The following FGF13 variants were observed in gnomAD, a reference collection of about 807,000 sequenced individuals.
The protein encoded by FGF13 is fibroblast growth factor 13.
A neutral mutation model predicts 19.5 loss-of-function variants in FGF13; 2 were observed. The observed-to-expected ratio is 0.10, with a 90% CI of 0.04 to 0.32. The LOEUF is 0.32. FGF13 is among the 10% of genes least tolerant of loss of function. The pLI, the probability that FGF13 is intolerant of heterozygous loss-of-function variation, is 1.00. For missense variants in FGF13, 113 were observed against 192.7 expected, an observed-to-expected ratio of 0.59 and a Z score of 2.45; for synonymous variants, 72 against 76.9, an observed-to-expected ratio of 0.94 and a Z score of 0.33.
At chrX:138,810,457 A>G (rs1338010298) in intron 3 of FGF13, among the ~76,000 whole-genome samples, 1 of 111,890 alleles carries the variant, frequency 8.9e-6, no homozygotes, top group Non-Finnish European at 1.9e-5. Flanking sequence ...GATGGATTAA[A>G]GACTTAAATG....
intron 1 of FGF13, among the ~76,000 whole-genome samples, chrX:139,138,693 C>G (rs1863619104): frequency 9.0e-6 from 1 of 111,364 alleles, no homozygotes; most frequent in South Asian, 3.8e-4. Context: ...TTTTCAATGG[C>G]AAGCTTCCCT....
rs187616793 is a variant in FGF13 at position 139,035,139 on chromosome X, T to C, written c.-113+168277A>G. ...GATCTAATAAATATATAATGAAAAA[T>C]TGATTTAAAAAATAGGTAAAGAAAT... On this transcript the variant is annotated intron_variant, in intron 1 of 2. Coordinates refer to the FGF13 transcript ENST00000421460. Among the ~76,000 whole-genome samples, 243 of 111,191 alleles carry C rather than the reference T, an allele frequency of 2.2e-3. 1 individual carries two copies. The highest frequency in any genetic ancestry group is 3.2e-3 in the Non-Finnish European group (172 of 52,942).
chrX:138,781,474 A>G (rs1275193497), intron 3 of FGF13, among the ~76,000 whole-genome samples: 2 of 109,423 alleles, frequency 1.8e-5, no homozygotes, highest in African/African-American at 6.7e-5. Context: ...ATAAAAAATG[A>G]TAAAGGGGAT....
intron 3 of FGF13, among the ~76,000 whole-genome samples, chrX:138,700,983 C>T (rs5929945): frequency 0.096 from 10,718 of 111,785 alleles, 404 homozygotes; most frequent in Middle Eastern, 0.17. Flanking sequence ...GCATTTTCAA[C>T]GCTGGTTCCT....
intron 3 of FGF13, among the ~76,000 whole-genome samples, chrX:138,828,306 C>A (rs1212688235): frequency 9.1e-6 from 1 of 110,220 alleles, no homozygotes; most frequent in East Asian, 2.9e-4. Flanking sequence ...GCGGTGGTCA[C>A]GCCTGTAATC....
At chrX:139,152,177 A>G (rs1466898603) in intron 1 of FGF13, among the ~76,000 whole-genome samples, 1 of 110,675 alleles carries the variant, frequency 9.0e-6, no homozygotes, top group African/African-American at 3.3e-5. Flanking sequence ...GATCAGATCG[A>G]CAAGAGAAGA....
intron 3 of FGF13, among the ~76,000 whole-genome samples, chrX:138,779,507 C>T (rs1470145689): frequency 4.6e-5 from 5 of 108,718 alleles, no homozygotes; most frequent in Admixed American, 9.8e-5. Flanking sequence ...TCGAGAACTA[C>T]GTGAAGAATG....
rs1260193918 is a variant in FGF13, at chrX:138,877,126, G to T, written c.-112-12476C>A. ...CCAGGGCCTGTCAGGGGGTGGTGGGGGGTGAGGGACGGGAACTTAGAGGAC... is the reference window on the plus strand; with the variant it reads ...CCAGGGCCTGTCAGGGGGTGGTGGGTGGTGAGGGACGGGAACTTAGAGGAC... On this transcript the variant is annotated intron_variant, in intron 1 of 2. Coordinates refer to the FGF13 transcript ENST00000421460. Among the ~76,000 whole-genome samples, 6 of 110,930 alleles carry T rather than the reference G, an allele frequency of 5.4e-5. No homozygotes were observed. The Admixed American group carries it at 5.8e-4, about 11-fold the overall frequency.
chrX:139,048,449 A>T (rs936040877), intron 1 of FGF13, among the ~76,000 whole-genome samples: 6 of 110,896 alleles, frequency 5.4e-5, no homozygotes, highest in Admixed American at 9.6e-5. Flanking sequence ...GTGTTCTTCC[A>T]TAGAAACTTT....
At position 138,711,186 on chromosome X, in the gene FGF13, G is replaced by A; in HGVS notation, c.-183C>T. On this transcript the variant is annotated 5_prime_UTR_variant, in exon 1 of 5. Coordinates refer to ENST00000315930, the MANE Select transcript of FGF13 (RefSeq NM_004114.5). Reference sequence around the variant, plus strand: ...AAGGAGGGGGCTCAGCATGCCGTCCGAGCTCCTCCGGCGGCGGTCCGGCTC... The same window carrying A: ...AAGGAGGGGGCTCAGCATGCCGTCCAAGCTCCTCCGGCGGCGGTCCGGCTC... 1 of 1,061,155 alleles carries A rather than the reference G, an allele frequency of 9.4e-7. No individual in the cohort carries two copies. Among genetic ancestry groups the A allele is most frequent in the Non-Finnish European group, 1.2e-6 (1 of 827,529 alleles). 87.5% of individuals were successfully genotyped at this position (1,061,155 alleles called of 1,213,427 possible). A position where few individuals can be genotyped will look rare whatever the true frequency, so the allele number is the denominator to read the frequency against.
intron 3 of FGF13, among the ~76,000 whole-genome samples, chrX:138,640,207 C>G (rs1212800499): frequency 9.0e-6 from 1 of 110,863 alleles, no homozygotes; most frequent in Admixed American, 9.6e-5. Flanking sequence ...CCCTAAACAC[C>G]ACATCTGTAT....
At chrX:138,948,057 G>A (rs992871624) in intron 1 of FGF13, among the ~76,000 whole-genome samples, 1 of 111,370 alleles carries the variant, frequency 9.0e-6, no homozygotes, top group Non-Finnish European at 1.9e-5. Context: ...GAACTGTGAG[G>A]TAATATATTT....
At chrX:138,857,498 T>A (rs765181779), downstream of FGF13, 158 of 1,166,116 alleles carry the variant, frequency 1.4e-4, no homozygotes, top group South Asian at 7.0e-4. Flanking sequence ...AACACGCGTC[T>A]GTCGTGCACA....
At chrX:138,990,161 T>C (rs755067977) in intron 1 of FGF13, among the ~76,000 whole-genome samples, 26 of 110,929 alleles carry the variant, frequency 2.3e-4, no homozygotes, top group African/African-American at 8.5e-4. Flanking sequence ...GTATATGTAC[T>C]GTGGGATTAT....
chrX:138,974,355 T>C (rs2091931457), intron 1 of FGF13, among the ~76,000 whole-genome samples: 1 of 111,214 alleles, frequency 9.0e-6, no homozygotes, highest in South Asian at 3.8e-4. Context: ...ACATGAGGAG[T>C]TGATTAAAAG....
intron 1 of FGF13, among the ~76,000 whole-genome samples, chrX:138,735,609 A>G (rs765261599): frequency 1.6e-4 from 18 of 112,210 alleles, no homozygotes; most frequent in African/African-American, 5.5e-4. Flanking sequence ...ATATAATGTC[A>G]TATCAGATAA....
intron 1 of FGF13, among the ~76,000 whole-genome samples, chrX:139,108,734 C>T (rs1252565161): frequency 9.1e-6 from 1 of 109,788 alleles, no homozygotes; most frequent in Non-Finnish European, 1.9e-5. Context: ...TTGTTACATA[C>T]GTAAATGTGT....
chrX:138,936,937 G>A (rs970334277), intron 1 of FGF13, among the ~76,000 whole-genome samples: 4 of 111,959 alleles, frequency 3.6e-5, no homozygotes, highest in Admixed American at 9.5e-5. Context: ...GCACAAAAAT[G>A]AGGATGAGTG....
chrX:138,951,620 C>T (rs772983330), intron 1 of FGF13, among the ~76,000 whole-genome samples: 52 of 111,125 alleles, frequency 4.7e-4, no homozygotes, highest in African/African-American at 1.6e-3. Flanking sequence ...ATATGAGTGG[C>T]CAATAGGACA....
Sources: allele counts gnomAD v4.1 joint callset (sites outside exome capture counted in the v4.1 genomes callset), GRCh38; gene constraint gnomAD v4.1.1; transcripts MANE v1.5; gene names NCBI Gene and HGNC (gene_info 2026-07-23, HGNC 2026-07-21).